Variants in RNFT2 observed in about 807,000 individuals in gnomAD.
RNFT2 encodes the protein E3 ubiquitin-protein ligase RNFT2.
In RNFT2, 36 loss-of-function variants were observed where a neutral mutation model predicts 53.0. That is an observed-to-expected ratio of 0.68 (90% CI 0.52 to 0.90). The LOEUF is 0.90. Ranked by LOEUF, RNFT2 falls within the 40% of genes least tolerant of loss-of-function variation. The pLI is 0.00. For synonymous variants in RNFT2, 260 were observed against 253.2 expected, an observed-to-expected ratio of 1.03 and a Z score of -0.26; for missense variants, 514 against 585.6, an observed-to-expected ratio of 0.88 and a Z score of 1.26.
chr12:116,777,435 G>A (rs1041351081), intron 6 of RNFT2, among the ~76,000 whole-genome samples: 1 of 152,160 alleles, frequency 6.6e-6, no homozygotes. Flanking sequence ...GCCACCTGTT[G>A]TCTGTCTCCA....
chr12:116,800,003 A>G (rs898194927), intron 7 of RNFT2, among the ~76,000 whole-genome samples: 2 of 152,174 alleles, frequency 1.3e-5, no homozygotes, highest in Non-Finnish European at 2.9e-5. Flanking sequence ...ATATTAGTTC[A>G]TGCACGATCT....
At chr12:116,841,940 TATATATAAATATATATATAGAG>T (rs1877347716) in intron 10 of RNFT2, among the ~76,000 whole-genome samples, 2 of 26,888 alleles carry the variant, frequency 7.4e-5, no homozygotes, top group African/African-American at 6.1e-4. Flanking sequence ...TATATAAATA[TATATATAAATATATATATAGAG>T]AGAGAGAGAG....
chr12:116,768,288 A>G (rs1037082686), intron 6 of RNFT2, among the ~76,000 whole-genome samples: 1 of 152,010 alleles, frequency 6.6e-6, no homozygotes, highest in Non-Finnish European at 1.5e-5. Flanking sequence ...TTTCATAGAG[A>G]TGGGGTTTCA....
chr12:116,829,732 A>G (rs971360610), intron 7 of RNFT2, among the ~76,000 whole-genome samples: 1 of 152,122 alleles, frequency 6.6e-6, no homozygotes, highest in Non-Finnish European at 1.5e-5. Flanking sequence ...GGCACGTGCC[A>G]CCATACCCGG....
chr12:116,820,030 T>C (rs2137179688), intron 7 of RNFT2, among the ~76,000 whole-genome samples: 1 of 152,366 alleles, frequency 6.6e-6, no homozygotes, highest in Middle Eastern at 3.4e-3. Flanking sequence ...ATATTTTACC[T>C]TTTGTTGTTT....
intron 3 of RNFT2, among the ~76,000 whole-genome samples, chr12:116,747,329 T>C (rs920248692): frequency 6.6e-5 from 10 of 152,234 alleles, no homozygotes; most frequent in Non-Finnish European, 1.5e-4. Flanking sequence ...GTGCTGGGAT[T>C]ATAGGCGTGA....
chr12:116,821,032 A>G lies in RNFT2; in HGVS notation c.883-12760A>G, dbSNP rs113489046. On this transcript the variant is annotated intron_variant, in intron 7 of 10. Transcript: ENST00000257575. ...TAAGAAATGGGAACGCGTCATAACT[A>G]CCTACAAGAGGAGCAATTGGTGTGC... is the stretch of plus-strand genomic sequence containing the variant. Among the ~76,000 whole-genome samples, 757 of 152,104 alleles carry G rather than the reference A, an allele frequency of 5.0e-3. 10 individuals carry two copies. Among genetic ancestry groups the G allele is most frequent in the African/African-American group, 0.018 (727 of 41,468 alleles).
intron 7 of RNFT2, among the ~76,000 whole-genome samples, chr12:116,786,352 C>G (rs142349408): frequency 0.089 from 13,545 of 152,036 alleles, 1,688 homozygotes; most frequent in African/African-American, 0.28. Flanking sequence ...TTCAGGTGAT[C>G]CACCCACCTC....
At chr12:116,771,628 C>T (rs1012688799) in intron 6 of RNFT2, among the ~76,000 whole-genome samples, 1 of 151,686 alleles carries the variant, frequency 6.6e-6, no homozygotes, top group Non-Finnish European at 1.5e-5. Context: ...ATGTCTACCC[C>T]ATCTGGGTTG....
At chr12:116,819,544 C>CG (rs928183844) in intron 7 of RNFT2, among the ~76,000 whole-genome samples, 3 of 151,626 alleles carry the variant, frequency 2.0e-5, no homozygotes, top group African/African-American at 7.3e-5. Context: ...CATCCGGGCC[C>CG]GGGGGAGGAG....
chr12:116,806,379 A>ATAT lies in RNFT2; in HGVS notation c.882+27031_882+27032insTAT, dbSNP rs1210982959. Among the ~76,000 whole-genome samples, 188 of 129,882 alleles carry ATAT rather than the reference A, an allele frequency of 1.4e-3. 1 individual carries two copies. The highest frequency in any genetic ancestry group is 2.0e-3 in the Non-Finnish European group (132 of 64,964). 85.2% of individuals were successfully genotyped at this position (129,882 alleles called of 152,430 possible). ...AGTGAGACTGTCTCAAAAAAAAAAA[A>ATAT]AAATATATATATATATATATAGATA... On this transcript the variant is annotated intron_variant, in intron 7 of 10. Coordinates refer to ENST00000257575, the MANE Select transcript of RNFT2 (RefSeq NM_001382266.1).
At chr12:116,764,773 T>TCCCAGCC (rs1387112941) in intron 5 of RNFT2, among the ~76,000 whole-genome samples, 1 of 152,054 alleles carries the variant, frequency 6.6e-6, no homozygotes, top group Non-Finnish European at 1.5e-5. Flanking sequence ...GCGCCTGTAA[T>TCCCAGCC]CCCAGCCACT....
At chr12:116,745,277 C>T (rs150823687) in intron 3 of RNFT2, among the ~76,000 whole-genome samples, 5,692 of 150,062 alleles carry the variant, frequency 0.038, 146 homozygotes, top group Middle Eastern at 0.053. Context: ...CCGGTTCAAG[C>T]GATTCTCCTG....
At chr12:116,797,998 G>C (rs1182271486) in intron 7 of RNFT2, among the ~76,000 whole-genome samples, 1 of 152,134 alleles carries the variant, frequency 6.6e-6, no homozygotes, top group Non-Finnish European at 1.5e-5. Context: ...CCCTGTCCCT[G>C]TTCTAGCTAG....
At chr12:116,772,369 C>T (rs1029460916) in intron 6 of RNFT2, among the ~76,000 whole-genome samples, 5 of 152,170 alleles carry the variant, frequency 3.3e-5, no homozygotes, top group African/African-American at 4.8e-5. Context: ...TGCTGTGGTG[C>T]GATCTCGGCT....
intron 6 of RNFT2, among the ~76,000 whole-genome samples, chr12:116,778,524 C>G (rs1873540619): frequency 1.3e-5 from 2 of 152,226 alleles, no homozygotes; most frequent in South Asian, 4.1e-4. Flanking sequence ...TGCCCTTGAA[C>G]TTTCCAGCCT....
At position 116,852,011 on chromosome 12, in the gene RNFT2, A is replaced by G; in HGVS notation, c.*2563A>G. The G allele has an allele frequency of 7.2e-7, 1 of 1,381,662 alleles. No homozygotes were observed. Among genetic ancestry groups the G allele is most frequent in the Non-Finnish European group, 9.6e-7 (1 of 1,041,040 alleles). The allele number at this position is 1,381,662 out of a possible 1,614,324, so 85.6% of individuals were successfully genotyped here. On this transcript the variant is annotated 3_prime_UTR_variant, in exon 11 of 11. Transcript: ENST00000257575. ...ACCAACCAGGGTAGTGGCATGGAGC[A>G]CCGTAACCATCTGTGCTTCTGTGAT...
intron 3 of RNFT2, among the ~76,000 whole-genome samples, chr12:116,746,594 G>A (rs1187126435): frequency 1.3e-5 from 2 of 152,114 alleles, no homozygotes; most frequent in African/African-American, 2.4e-5. Context: ...GTACGGGTTA[G>A]GGGAGACATC....
At chr12:116,768,883 A>G (rs1408092760) in intron 6 of RNFT2, among the ~76,000 whole-genome samples, 2 of 151,756 alleles carry the variant, frequency 1.3e-5, no homozygotes, top group Non-Finnish European at 2.9e-5. Context: ...GGTGCTCACC[A>G]CTACGCCCGG....
Sources: allele counts gnomAD v4.1 joint callset (sites outside exome capture counted in the v4.1 genomes callset), GRCh38; gene constraint gnomAD v4.1.1; transcripts MANE v1.5; gene names NCBI Gene and HGNC (gene_info 2026-07-23, HGNC 2026-07-21).